The following CNBD1 variants were observed in gnomAD, a reference collection of about 807,000 sequenced individuals.
The protein encoded by CNBD1 is cyclic nucleotide-binding domain-containing protein 1.
In CNBD1, 71 loss-of-function variants were observed where a neutral mutation model predicts 54.4. The observed-to-expected ratio is 1.30, with a 90% CI of 1.08 to 1.59. The LOEUF (loss-of-function observed/expected upper bound fraction) is 1.59, where lower values mean the gene tolerates loss of function less well. Ranked by LOEUF, CNBD1 falls within the 40% of genes most tolerant of loss-of-function variation. The pLI is 0.00. For missense variants in CNBD1, 659 were observed against 518.0 expected (o/e 1.27, Z -2.64); for synonymous variants, 182 against 170.7 (o/e 1.07, Z -0.51).
chr8:87,409,178 A>G (rs1807699236), intron 2 of CNBD1, among the ~76,000 whole-genome samples: 1 of 152,196 alleles, frequency 6.6e-6, no homozygotes, highest in Non-Finnish European at 1.5e-5. Flanking sequence ...GTTCTTGAAG[A>G]AAATTAAAAA....
At chr8:87,378,489 C>T (rs1006372050) in intron 10 of CNBD1, among the ~76,000 whole-genome samples, 6 of 150,950 alleles carry the variant, frequency 4.0e-5, no homozygotes, top group South Asian at 2.1e-4. Context: ...TTTCTGAGGG[C>T]TCCATTCTGT....
At chr8:86,907,206 G>T (rs1265001702) in intron 3 of CNBD1, among the ~76,000 whole-genome samples, 1 of 152,114 alleles carries the variant, frequency 6.6e-6, no homozygotes, top group Non-Finnish European at 1.5e-5. Flanking sequence ...TCTGAAACAG[G>T]CCCAGCAGGA....
At chr8:87,065,159 G>T (rs1810622879) in intron 4 of CNBD1, among the ~76,000 whole-genome samples, 1 of 151,978 alleles carries the variant, frequency 6.6e-6, no homozygotes, top group Admixed American at 6.6e-5. Context: ...CTTTGAAGAA[G>T]CTCTAATTTT....
chr8:87,093,729 T>A (rs566298598), intron 4 of CNBD1, among the ~76,000 whole-genome samples: 48 of 152,302 alleles, frequency 3.2e-4, no homozygotes, highest in African/African-American at 1.1e-3. Context: ...TTTTGTATCT[T>A]ATATCCTAGA....
intron 5 of CNBD1, among the ~76,000 whole-genome samples, chr8:87,224,841 C>A (rs1014593938): frequency 4.0e-4 from 61 of 150,878 alleles, no homozygotes; most frequent in Admixed American, 7.2e-4. Flanking sequence ...GGCAGTATGG[C>A]CATTTTCATG....
intron 10 of CNBD1, among the ~76,000 whole-genome samples, chr8:87,364,407 AT>A (rs1379857822): frequency 6.6e-6 from 1 of 151,508 alleles, no homozygotes; most frequent in East Asian, 1.9e-4. Context: ...CTTTTAGATA[AT>A]TTTTTCTCTA....
At chr8:86,991,946 A>G (rs1367585358) in intron 4 of CNBD1, among the ~76,000 whole-genome samples, 1 of 152,160 alleles carries the variant, frequency 6.6e-6, no homozygotes, top group Non-Finnish European at 1.5e-5. Context: ...AGTTGATCTT[A>G]GAATGTGTTC....
In CNBD1 at chr8:87,377,421, C is replaced by T. The variant is rs186783895; in HGVS notation, c.1304-5199C>T. ...TGCGGTGTTTGGTTTTTTGTTCTTG[C>T]GATAGTTTATTGAGAATGATGATTT... On this transcript the variant is annotated intron_variant, in intron 10 of 10. Transcript: ENST00000518476. Among the ~76,000 whole-genome samples, 1,476 of 151,066 alleles carry T rather than the reference C, an allele frequency of 9.8e-3. 23 individuals carry two copies. Among genetic ancestry groups the T allele is most frequent in the African/African-American group, 0.033 (1,359 of 41,034 alleles).
intron 5 of CNBD1, among the ~76,000 whole-genome samples, chr8:87,211,577 C>T (rs1309036653): frequency 6.6e-6 from 1 of 152,098 alleles, no homozygotes; most frequent in Non-Finnish European, 1.5e-5. Context: ...AGTGAGTTCT[C>T]ACAAGATCTG....
chr8:87,326,491 C>T lies in CNBD1; in HGVS notation c.1043-25194C>T, dbSNP rs1390011091. ...CACATAGTCCCATATTTCTTGGAGG[C>T]TTTGCTCATTTCTTTTTATTCTTTT... On this transcript the variant is annotated intron_variant, in intron 8 of 10. Coordinates refer to ENST00000518476, the MANE Select transcript of CNBD1 (RefSeq NM_173538.3). Among the ~76,000 whole-genome samples, 2 of 122,144 alleles carry T rather than the reference C, an allele frequency of 1.6e-5. 1 individual carries two copies. The highest frequency in any genetic ancestry group is 3.7e-5 in the Non-Finnish European group (2 of 54,160). 80.1% of individuals were successfully genotyped at this position (122,144 alleles called of 152,430 possible).
At chr8:86,956,404 C>G (rs1807770545) in intron 4 of CNBD1, among the ~76,000 whole-genome samples, 1 of 152,170 alleles carries the variant, frequency 6.6e-6, no homozygotes, top group Non-Finnish European at 1.5e-5. Flanking sequence ...GGCATTGAAT[C>G]TATAAATTAC....
At chr8:87,245,773 G>A (rs1807790068) in intron 6 of CNBD1, among the ~76,000 whole-genome samples, 1 of 151,816 alleles carries the variant, frequency 6.6e-6, no homozygotes, top group Non-Finnish European at 1.5e-5. Flanking sequence ...TTATAGTAGT[G>A]ATATAATTTT....
chr8:87,187,874 A>G (rs1813513126), intron 4 of CNBD1, among the ~76,000 whole-genome samples: 2 of 152,160 alleles, frequency 1.3e-5, no homozygotes, highest in South Asian at 4.1e-4. Flanking sequence ...CAAAATGTAA[A>G]TCTGCCCAGT....
At chr8:86,934,998 C>A (rs1420554451) in intron 3 of CNBD1, among the ~76,000 whole-genome samples, 3 of 150,918 alleles carry the variant, frequency 2.0e-5, no homozygotes, top group Admixed American at 1.3e-4. Flanking sequence ...TTTCTGGAAG[C>A]ATTTGGGTTT....
chr8:86,966,079 C>T (rs1313819664), intron 4 of CNBD1, among the ~76,000 whole-genome samples: 1 of 152,176 alleles, frequency 6.6e-6, no homozygotes, highest in Non-Finnish European at 1.5e-5. Flanking sequence ...GCTGATTGGT[C>T]CATGGTTGGC....
intron 5 of CNBD1, among the ~76,000 whole-genome samples, chr8:87,222,003 A>G (rs999975926): frequency 3.3e-5 from 5 of 152,116 alleles, no homozygotes; most frequent in Non-Finnish European, 5.9e-5. Context: ...AGATTCTTTA[A>G]TATAATAAAA....
intron 5 of CNBD1, among the ~76,000 whole-genome samples, chr8:87,219,772 G>A (rs1383841153): frequency 6.6e-6 from 1 of 151,822 alleles, no homozygotes; most frequent in Non-Finnish European, 1.5e-5. Context: ...CATTAGTTTT[G>A]AACCAAACAA....
chr8:87,048,347 A>G (rs2130620097), intron 4 of CNBD1, among the ~76,000 whole-genome samples: 1 of 152,330 alleles, frequency 6.6e-6, no homozygotes, highest in East Asian at 1.9e-4. Flanking sequence ...ACATTATTTC[A>G]AAAGGGCTTA....
intron 4 of CNBD1, among the ~76,000 whole-genome samples, chr8:87,162,890 C>T (rs571873409): frequency 6.6e-6 from 1 of 152,144 alleles, no homozygotes; most frequent in Non-Finnish European, 1.5e-5. Context: ...GTAATTAGGT[C>T]ACAAGGACTC....
Sources: allele counts gnomAD v4.1 joint callset (sites outside exome capture counted in the v4.1 genomes callset), GRCh38; gene constraint gnomAD v4.1.1; transcripts MANE v1.5; gene names NCBI Gene and HGNC (gene_info 2026-07-23, HGNC 2026-07-21).